PYROXD2: variants seen among roughly 807,000 people sequenced by gnomAD.
PYROXD2 encodes pyridine nucleotide-disulphide oxidoreductase domain 2.
PYROXD2 carries 69 observed loss-of-function variants against 71.1 expected under a neutral mutation model. The ratio of observed to expected loss-of-function variants is 0.97; its 90% CI spans 0.80 to 1.19. The LOEUF (loss-of-function observed/expected upper bound fraction) is 1.19, where lower values mean the gene tolerates loss of function less well. Ranked by LOEUF, PYROXD2 falls within the 50% of genes most tolerant of loss-of-function variation. PYROXD2 has a pLI of 0.00. For missense variants in PYROXD2, 745 were observed against 748.9 expected, an observed-to-expected ratio of 0.99 and a Z score of 0.06; for synonymous variants, 287 against 302.7, an observed-to-expected ratio of 0.95 and a Z score of 0.54.
At chr10:98,409,263 C>A (rs1843709476) in intron 2 of PYROXD2, among the ~76,000 whole-genome samples, 1 of 152,198 alleles carries the variant, frequency 6.6e-6, no homozygotes, top group Admixed American at 6.5e-5. Context: ...GTGACTGCTA[C>A]TTCTTTATCA....
chr10:98,393,616 G>T (rs539160090), intron 8 of PYROXD2, among the ~76,000 whole-genome samples: 2 of 152,180 alleles, frequency 1.3e-5, no homozygotes, highest in East Asian at 3.9e-4. Flanking sequence ...CCACCTCTCA[G>T]CCTCTCTTCT....
At chr10:98,401,274 A>AAAAAAAAAC (rs1346918539) in intron 4 of PYROXD2, among the ~76,000 whole-genome samples, 1 of 65,380 alleles carries the variant, frequency 1.5e-5, no homozygotes, top group African/African-American at 9.0e-5. Flanking sequence ...AAACAAAAAA[A>AAAAAAAAAC]AACAAACATA....
intron 1 of PYROXD2, chr10:98,413,932 A>T (rs957723078): frequency 3.3e-5 from 5 of 152,178 alleles, no homozygotes; most frequent in Admixed American, 3.3e-4. Flanking sequence ...GGTAAGAATC[A>T]CTCGGGTAGA....
intron 4 of PYROXD2, among the ~76,000 whole-genome samples, chr10:98,402,160 A>G (rs993413646): frequency 2.0e-5 from 3 of 152,178 alleles, no homozygotes; most frequent in Non-Finnish European, 4.4e-5. Context: ...ACCACTGTAT[A>G]TAGTCTATCG....
intron 15 of PYROXD2, 101 bp downstream of exon 15, chr10:98,384,844 CCT>C: frequency 7.0e-7 from 1 of 1,433,494 alleles, no homozygotes; most frequent in East Asian, 2.6e-5. Context: ...TGCTCCCCTC[CCT>C]CTCTGCCACC....
In PYROXD2 at chr10:98,407,744, AGGGGTCAGCAGGGATGGAGACCGTCACCC is replaced by A. The variant is rs1564810298; in HGVS notation, c.242-118_242-90del. ...GTCAGCAGGGATGGAGACCGTCACC[AGGGGTCAGCAGGGATGGAGACCGTCACCC>A]GGGGTCAGCAGGGATGGAGACCGTC... On this transcript the variant is annotated intron_variant, in intron 3 of 15. Transcript: ENST00000370575. 146 of 936,698 alleles carry A rather than the reference AGGGGTCAGCAGGGATGGAGACCGTCACCC, an allele frequency of 1.6e-4. 26 individuals carry two copies. Among genetic ancestry groups the A allele is most frequent in the Middle Eastern group, 6.9e-4 (2 of 2,896 alleles). 58.0% of individuals were successfully genotyped at this position (936,698 alleles called of 1,614,324 possible).
At chr10:98,383,988 G>C (rs1842669740) in intron 15 of PYROXD2, 120 bp from the exon 16 acceptor site, 4 of 827,574 alleles carry the variant, frequency 4.8e-6, no homozygotes, top group Non-Finnish European at 8.3e-6. Context: ...AGGGGTCCGG[G>C]GGCATGGGCA....
At chr10:98,399,998 C>A (rs545307867) in intron 5 of PYROXD2, 104 bp downstream of exon 5, 2 of 1,393,446 alleles carry the variant, frequency 1.4e-6, no homozygotes, top group East Asian at 4.8e-5. Context: ...GGTGGCCTGG[C>A]GCAGTGTCCA....
chr10:98,400,006 C>G, intron 5 of PYROXD2, 96 bp downstream of exon 5: 1 of 1,470,466 alleles, frequency 6.8e-7, no homozygotes, highest in Non-Finnish European at 9.1e-7. Flanking sequence ...GGCGCAGTGT[C>G]CATGGCCTTT....
intron 1 of PYROXD2, 97 bp downstream of exon 1, chr10:98,414,912 C>T: frequency 6.6e-7 from 1 of 1,511,570 alleles, no homozygotes; most frequent in Non-Finnish European, 9.0e-7. Context: ...GAGGAGAGAG[C>T]AGTGGGGCTT....
chr10:98,410,453 G>A (rs534878912), intron 2 of PYROXD2, among the ~76,000 whole-genome samples: 5 of 152,294 alleles, frequency 3.3e-5, no homozygotes, highest in African/African-American at 1.2e-4. Context: ...GCTCCTCAAT[G>A]TCTCCAGGGC....
Position 98,415,094 on chromosome 10 carries a change from G to A in PYROXD2, c.42C>T (p.Ala14=), listed in dbSNP as rs778147499. Reference sequence around the variant, plus strand: ...CTCGTCTCCACGCCGGGAAGGGAGAGGCGGCCACAGCCTTGCAGAGACCTC... The same window carrying A: ...CTCGTCTCCACGCCGGGAAGGGAGAAGCGGCCACAGCCTTGCAGAGACCTC... ...SGRGLCKAVA[A]SPFPAWRRDN... The change falls in exon 1 of 16, where the codon GCC becomes GCT. Residue 14 remains alanine, a synonymous_variant. Transcript: ENST00000370575. 2 of 1,614,034 alleles carry A rather than the reference G, an allele frequency of 1.2e-6. No homozygotes were observed. The highest frequency in any genetic ancestry group is 8.5e-7 in the Non-Finnish European group (1 of 1,179,968).
At chr10:98,409,182 G>C (rs575733101) in intron 2 of PYROXD2, among the ~76,000 whole-genome samples, 16 of 152,268 alleles carry the variant, frequency 1.1e-4, no homozygotes, top group African/African-American at 3.6e-4. Flanking sequence ...GATAAAATGA[G>C]GCAAGCACAA....
intron 15 of PYROXD2, among the ~76,000 whole-genome samples, chr10:98,384,287 A>G (rs1173555270): frequency 6.6e-6 from 1 of 152,178 alleles, no homozygotes; most frequent in Non-Finnish European, 1.5e-5. Context: ...TGGAATGCGC[A>G]CAAGAAAGAA....
rs921991810 is a variant in PYROXD2, at chr10:98,400,174, C to G, written c.399G>C (p.Arg133Ser). The G allele has an allele frequency of 4.3e-6, 7 of 1,613,552 alleles. No individual in the cohort carries two copies. In the Admixed American group the frequency reaches 5.0e-5, roughly 12 times the overall value. ...CCATGTCTGTGCCCAGCAGAAGGCA[C>G]CTGGGCACCTTGCTGCCTGCACCCT... ...LEEGAGSKVPRCLLLGTDMAE... is the reference protein window; with the variant it reads ...LEEGAGSKVPSCLLLGTDMAE... The change falls in exon 5 of 16, where the codon AGG becomes AGC. Residue 133 changes from arginine to serine, a missense_variant. Coordinates refer to ENST00000370575, the MANE Select transcript of PYROXD2 (RefSeq NM_032709.3).
chr10:98,415,179 G>A lies in PYROXD2; in HGVS notation c.-44C>T, dbSNP rs183606756. On this transcript the variant is annotated 5_prime_UTR_variant, in exon 1 of 16. Coordinates refer to ENST00000370575, the MANE Select transcript of PYROXD2 (RefSeq NM_032709.3). ...CTTGCTAGGCAGGGAGTTTGCTAGC[G>A]ATTGGCTTTTGTGCTGCCCTAGGCA... The A allele has an allele frequency of 7.5e-6, 12 of 1,600,376 alleles. No individual in the cohort carries two copies. In the African/African-American group the frequency reaches 8.0e-5, roughly 11 times the overall value.
At chr10:98,410,985 A>G (rs1460974297) in intron 1 of PYROXD2, 27 bp from the exon 2 acceptor site, 4 of 1,558,992 alleles carry the variant, frequency 2.6e-6, no homozygotes, top group Non-Finnish European at 3.5e-6. Context: ...CAGGGAAGGA[A>G]AACATCACTG....
Position 98,383,715 on chromosome 10 carries a change from C to G in PYROXD2, c.*83G>C. On this transcript the variant is annotated 3_prime_UTR_variant, in exon 16 of 16. Transcript: ENST00000370575. ...GGTGGCCTTATGTACTAACCCGAAG[C>G]TGAACTTCCTGGGAAGCTGATCCAA... is the stretch of plus-strand genomic sequence containing the variant. 1 of 1,217,848 alleles carries G rather than the reference C, an allele frequency of 8.2e-7. No homozygotes were observed. Among genetic ancestry groups the G allele is most frequent in the South Asian group, 1.2e-5 (1 of 82,978 alleles). The allele number at this position is 1,217,848 out of a possible 1,614,324, so 75.4% of individuals were successfully genotyped here. A position where few individuals can be genotyped will look rare whatever the true frequency, so the allele number is the denominator to read the frequency against.
chr10:98,388,472 G>T lies in PYROXD2; in HGVS notation c.1329C>A (p.Asp443Glu), dbSNP rs1431100091. ...GGCAGCCAGGGGGAGCCAGGGTGGGGTCCAGCGAGGAAGGGATGCAGAGCT... is the reference window on the plus strand; with the variant it reads ...GGCAGCCAGGGGGAGCCAGGGTGGGTTCCAGCGAGGAAGGGATGCAGAGCT... ...VIELCIPSSL[D>E]PTLAPPGCHV... Residue 443 changes from aspartate to glutamate, a missense_variant, in exon 13 of 16, where the codon GAC becomes GAA. Asp to Glu is a conservative substitution (Grantham distance 45). Transcript: ENST00000370575. 6.2e-7 allele frequency: 1 copy of T among 1,611,960 alleles called. No homozygotes were observed. Among genetic ancestry groups the T allele is most frequent in the Admixed American group, 1.7e-5 (1 of 59,746 alleles).
Sources: gnomAD v4.1 joint callset for allele counts (sites outside exome capture counted in the v4.1 genomes callset) on GRCh38, gnomAD v4.1.1 for gene constraint, MANE v1.5 for transcripts, NCBI Gene and HGNC (gene_info 2026-07-23, HGNC 2026-07-21) for gene names.